The following GUCY1A2 variants were observed in gnomAD, a reference collection of about 807,000 sequenced individuals.
GUCY1A2 encodes the protein guanylate cyclase 1 soluble subunit alpha 2.
GUCY1A2 carries 27 observed loss-of-function variants against 63.5 expected under a neutral mutation model. The observed-to-expected ratio is 0.43, with a 90% CI of 0.31 to 0.59. GUCY1A2 has a LOEUF of 0.59. Among genes scored for constraint, GUCY1A2 ranks in the 20% least tolerant of loss-of-function variants. GUCY1A2 has a pLI of 0.11. For missense variants in GUCY1A2, 768 were observed against 913.3 expected, an observed-to-expected ratio of 0.84 and a Z score of 2.05; for synonymous variants, 364 against 343.5, an observed-to-expected ratio of 1.06 and a Z score of -0.66.
chr11:106,954,390 G>A (rs549947530), intron 3 of GUCY1A2, among the ~76,000 whole-genome samples: 1 of 152,104 alleles, frequency 6.6e-6, no homozygotes, highest in African/African-American at 2.4e-5. Context: ...TACGATTTCA[G>A]TTCTTTTGCA....
intron 6 of GUCY1A2, among the ~76,000 whole-genome samples, chr11:106,773,135 A>G (rs1469072847): frequency 2.0e-5 from 3 of 151,836 alleles, no homozygotes; most frequent in South Asian, 2.1e-4. Flanking sequence ...CTTACTTCCC[A>G]TATCTTTCCC....
At chr11:106,831,199 C>T (rs1264544302) in intron 4 of GUCY1A2, among the ~76,000 whole-genome samples, 1 of 152,136 alleles carries the variant, frequency 6.6e-6, no homozygotes. Context: ...TAAAAAGTGC[C>T]ACATAAATCA....
chr11:106,795,149 G>A (rs937723446), intron 5 of GUCY1A2, among the ~76,000 whole-genome samples: 1 of 152,070 alleles, frequency 6.6e-6, no homozygotes, highest in African/African-American at 2.4e-5. Context: ...TAAGTTACGT[G>A]ACTTACTCAG....
intron 4 of GUCY1A2, among the ~76,000 whole-genome samples, chr11:106,833,567 G>A (rs958453682): frequency 6.6e-6 from 1 of 151,754 alleles, no homozygotes; most frequent in East Asian, 1.9e-4. Flanking sequence ...TCTCATTTAT[G>A]TCTATCATGA....
intron 5 of GUCY1A2, among the ~76,000 whole-genome samples, chr11:106,801,938 G>A (rs1166841693): frequency 6.6e-6 from 1 of 152,090 alleles, no homozygotes; most frequent in Non-Finnish European, 1.5e-5. Context: ...GAAAATAAGT[G>A]AAATATCACA....
chr11:106,784,817 G>T (rs1864528505), intron 5 of GUCY1A2, among the ~76,000 whole-genome samples: 2 of 151,852 alleles, frequency 1.3e-5, no homozygotes, highest in African/African-American at 4.8e-5. Context: ...TGCAGAGGCT[G>T]GAGCTCCGTA....
At chr11:106,925,695 C>T (rs567932071) in intron 4 of GUCY1A2, among the ~76,000 whole-genome samples, 20 of 152,258 alleles carry the variant, frequency 1.3e-4, no homozygotes, top group African/African-American at 4.6e-4. Flanking sequence ...TGAGACTCCA[C>T]GCTATCAACA....
intron 4 of GUCY1A2, among the ~76,000 whole-genome samples, chr11:106,876,144 G>A (rs1273692514): frequency 2.0e-5 from 3 of 152,002 alleles, no homozygotes; most frequent in African/African-American, 4.8e-5. Context: ...AGAAGAAAAT[G>A]TATAACAATA....
intron 4 of GUCY1A2, among the ~76,000 whole-genome samples, chr11:106,851,889 G>A (rs927024237): frequency 6.6e-6 from 1 of 151,880 alleles, no homozygotes; most frequent in African/African-American, 2.4e-5. Flanking sequence ...TGTAAAGAAT[G>A]TCATTAATAT....
intron 5 of GUCY1A2, among the ~76,000 whole-genome samples, chr11:106,776,961 T>C (rs887143803): frequency 6.6e-6 from 1 of 152,186 alleles, no homozygotes; most frequent in African/African-American, 2.4e-5. Context: ...GGAAAGCATT[T>C]TTTTCCCAGT....
chr11:106,733,254 T>G (rs1355674996), intron 6 of GUCY1A2, among the ~76,000 whole-genome samples: 1 of 152,154 alleles, frequency 6.6e-6, no homozygotes, highest in Non-Finnish European at 1.5e-5. Flanking sequence ...TTTATATACA[T>G]AAACATATAT....
Position 106,766,947 on chromosome 11 carries a change from G to C in GUCY1A2, c.1836+9492C>G, listed in dbSNP as rs547529412. Among the ~76,000 whole-genome samples the C allele has an allele frequency of 2.0e-5, 3 of 152,164 alleles. No homozygotes were observed. In the East Asian group the frequency reaches 5.8e-4, roughly 29 times the overall value. On this transcript the variant is annotated intron_variant, in intron 6 of 7. Transcript: ENST00000526355. ...CAGGGAAAAAATATTGGCAGATGGA[G>C]ATTCCTATTCTTTACATAAACGTCA...
intron 4 of GUCY1A2, among the ~76,000 whole-genome samples, chr11:106,891,974 G>A (rs372291944): frequency 2.0e-5 from 3 of 152,042 alleles, no homozygotes; most frequent in East Asian, 3.9e-4. Context: ...TTATGTATCA[G>A]TGGGTAGAGA....
At chr11:106,876,381 A>G (rs1242995688) in intron 4 of GUCY1A2, among the ~76,000 whole-genome samples, 1 of 151,792 alleles carries the variant, frequency 6.6e-6, no homozygotes, top group Non-Finnish European at 1.5e-5. Context: ...AAATAAGTGA[A>G]TTGTAAAAAA....
At chr11:106,892,465 T>C (rs1859987244) in intron 4 of GUCY1A2, among the ~76,000 whole-genome samples, 1 of 152,154 alleles carries the variant, frequency 6.6e-6, no homozygotes, top group Admixed American at 6.5e-5. Flanking sequence ...CTGTTACTTT[T>C]CTTTTTTAAT....
chr11:106,701,202 GT>G (rs1477224380), intron 7 of GUCY1A2, among the ~76,000 whole-genome samples: 6 of 151,882 alleles, frequency 4.0e-5, no homozygotes, highest in African/African-American at 1.5e-4. Flanking sequence ...TATACAAAAT[GT>G]TTTTTAGCCT....
intron 1 of GUCY1A2, among the ~76,000 whole-genome samples, chr11:107,006,255 T>A (rs1207541257): frequency 2.6e-5 from 4 of 152,212 alleles, no homozygotes; most frequent in Non-Finnish European, 5.9e-5. Context: ...AAGGAAGTCA[T>A]GAGTAATAGT....
At chr11:107,003,024 A>T (rs1044421723) in intron 1 of GUCY1A2, among the ~76,000 whole-genome samples, 1 of 152,100 alleles carries the variant, frequency 6.6e-6, no homozygotes, top group African/African-American at 2.4e-5. Context: ...TCCTTGATCA[A>T]GTCTTATCTC....
chr11:106,882,822 A>G (rs1221057669), intron 4 of GUCY1A2, among the ~76,000 whole-genome samples: 1 of 152,046 alleles, frequency 6.6e-6, no homozygotes, highest in Non-Finnish European at 1.5e-5. Flanking sequence ...ATATAAGAAT[A>G]TAGTCAACTT....
Sources: gnomAD v4.1 joint callset for allele counts (sites outside exome capture counted in the v4.1 genomes callset) on GRCh38, gnomAD v4.1.1 for gene constraint, MANE v1.5 for transcripts, NCBI Gene and HGNC (gene_info 2026-07-23, HGNC 2026-07-21) for gene names.